The following VAMP4 variants were observed in gnomAD, a reference collection of about 807,000 sequenced individuals.
VAMP4 encodes vesicle associated membrane protein 4, also known as vesicle-associated membrane protein 4.
A neutral mutation model predicts 23.5 loss-of-function variants in VAMP4; 19 were observed. That is an observed-to-expected ratio of 0.81 (90% CI 0.56 to 1.19). VAMP4 has a LOEUF of 1.19. Among genes scored for constraint, VAMP4 ranks in the 50% most tolerant of loss-of-function variants. The pLI, the probability that VAMP4 is intolerant of heterozygous loss-of-function variation, is 0.00. For synonymous variants in VAMP4, 31 were observed against 51.0 expected, an observed-to-expected ratio of 0.61 and a Z score of 1.67; for missense variants, 145 against 168.6, an observed-to-expected ratio of 0.86 and a Z score of 0.78.
Position 171,738,480 on chromosome 1 carries a change from A to G in VAMP4, c.-49-17T>C. On this transcript the variant is annotated splice_polypyrimidine_tract_variant and intron_variant, in intron 1 of 7. Transcript: ENST00000236192. ...AGTCACCACCTTAAAGAGAAAATAA[A>G]TTTCATCAGATTTGAGACTTTGGGG... The G allele has an allele frequency of 6.6e-7, 1 of 1,511,412 alleles. No homozygotes were observed. Among genetic ancestry groups the G allele is most frequent in the Non-Finnish European group, 9.1e-7 (1 of 1,094,076 alleles). 93.6% of individuals were successfully genotyped at this position (1,511,412 alleles called of 1,614,324 possible).
intron 3 of VAMP4, among the ~76,000 whole-genome samples, chr1:171,723,265 C>T (rs139594181): frequency 3.2e-4 from 48 of 152,268 alleles, no homozygotes; most frequent in African/African-American, 8.7e-4. Context: ...GTTTCGGGCA[C>T]GCACTGTCAT....
At chr1:171,722,559 G>GA (rs987774624) in intron 3 of VAMP4, among the ~76,000 whole-genome samples, 45 of 152,248 alleles carry the variant, frequency 3.0e-4, no homozygotes, top group African/African-American at 9.4e-4. Context: ...AAATTTACAA[G>GA]AAAAAATCAA....
chr1:171,716,873 A>G (rs1655036300), intron 4 of VAMP4, among the ~76,000 whole-genome samples: 1 of 152,224 alleles, frequency 6.6e-6, no homozygotes, highest in African/African-American at 2.4e-5. Context: ...TGCATGCTTG[A>G]TGAACGACCT....
At chr1:171,740,133 A>G (rs538055041) in intron 1 of VAMP4, among the ~76,000 whole-genome samples, 3 of 152,344 alleles carry the variant, frequency 2.0e-5, no homozygotes, top group African/African-American at 7.2e-5. Context: ...TTTAGTAACG[A>G]TAACGTTAGT....
At chr1:171,741,585 C>A (rs1056946093) in intron 1 of VAMP4, among the ~76,000 whole-genome samples, 2 of 151,628 alleles carry the variant, frequency 1.3e-5, no homozygotes, top group African/African-American at 4.9e-5. Context: ...CCCCATTGTA[C>A]CCCCTGGAAT....
At position 171,702,399 on chromosome 1, in the gene VAMP4, CT is replaced by C. The variant is rs1654479848; in HGVS notation, c.*2106del. 1 of 151,804 alleles carries C rather than the reference CT, an allele frequency of 6.6e-6. No homozygotes were observed. The highest frequency in any genetic ancestry group is 2.4e-5 in the African/African-American group (1 of 41,376). 9.4% of individuals were successfully genotyped at this position (151,804 alleles called of 1,614,324 possible). A position where few individuals can be genotyped will look rare whatever the true frequency, so the allele number is the denominator to read the frequency against. On this transcript the variant is annotated 3_prime_UTR_variant, in exon 8 of 8. Coordinates refer to ENST00000236192, the MANE Select transcript of VAMP4 (RefSeq NM_003762.5). ...ACATATATATTGTCAAAAAATTTTA[CT>C]GTTACTTATTATTTAAATTTAAAAA...
At chr1:171,723,730 C>T (rs1416869211) in intron 3 of VAMP4, among the ~76,000 whole-genome samples, 1 of 152,168 alleles carries the variant, frequency 6.6e-6, no homozygotes, top group Non-Finnish European at 1.5e-5. Context: ...ACATCCTCAG[C>T]TTACGAAGAT....
chr1:171,727,306 T>C (rs1655407609), intron 3 of VAMP4, among the ~76,000 whole-genome samples: 1 of 142,102 alleles, frequency 7.0e-6, no homozygotes. Flanking sequence ...ATGGGCAAGA[T>C]TTGAACACAT....
rs1446357205 is a variant in VAMP4 at position 171,701,042 on chromosome 1, A to C, written c.*3464T>G. Reference sequence around the variant, plus strand: ...TAAAGAGGATCTAAACCCTACATCAATCTAAAGCATTTAGACAAATGCATT... The same window carrying C: ...TAAAGAGGATCTAAACCCTACATCACTCTAAAGCATTTAGACAAATGCATT... On this transcript the variant is annotated 3_prime_UTR_variant, in exon 8 of 8. Coordinates refer to ENST00000236192, the MANE Select transcript of VAMP4 (RefSeq NM_003762.5). 1 of 152,198 alleles carries C rather than the reference A, an allele frequency of 6.6e-6. No individual in the cohort carries two copies. The highest frequency in any genetic ancestry group is 1.5e-5 in the Non-Finnish European group (1 of 68,036). 9.4% of individuals were successfully genotyped at this position (152,198 alleles called of 1,614,324 possible).
chr1:171,720,688 C>T (rs1655163576), intron 3 of VAMP4, among the ~76,000 whole-genome samples: 1 of 152,028 alleles, frequency 6.6e-6, no homozygotes, highest in East Asian at 1.9e-4. Context: ...AAAGAAAATT[C>T]CAGGACTAGA....
At chr1:171,722,733 G>A (rs926531276) in intron 3 of VAMP4, among the ~76,000 whole-genome samples, 9 of 152,090 alleles carry the variant, frequency 5.9e-5, no homozygotes, top group Non-Finnish European at 1.0e-4. Context: ...TTAGAATGGC[G>A]ATCATTAAAA....
chr1:171,715,288 G>A (rs1654992495), intron 4 of VAMP4, among the ~76,000 whole-genome samples: 1 of 152,184 alleles, frequency 6.6e-6, no homozygotes, highest in Non-Finnish European at 1.5e-5. Flanking sequence ...ATTCATATAA[G>A]ATAATAAAAG....
chr1:171,705,660 T>C (rs1654625273), intron 7 of VAMP4, among the ~76,000 whole-genome samples: 1 of 152,160 alleles, frequency 6.6e-6, no homozygotes, highest in Admixed American at 6.5e-5. Flanking sequence ...GAGGACTGAC[T>C]GTATTTCTTT....
rs186220059 is a variant in VAMP4, at chr1:171,742,025, C to G, written c.-165G>C. ...GGAGGGGGAGACAGTTGGTGCGGAC[C>G]CGGCGTCGGCCGCAGCGCCGCAGCA... On this transcript the variant is annotated 5_prime_UTR_variant, in exon 1 of 8. Transcript: ENST00000236192. 15 of 152,210 alleles carry G rather than the reference C, an allele frequency of 9.9e-5. No individual in the cohort carries two copies. The East Asian group carries it at 2.9e-3, about 30-fold the overall frequency. The allele number at this position is 152,210 out of a possible 1,614,324, so 9.4% of individuals were successfully genotyped here.
chr1:171,724,507 T>C (rs1393322429), intron 3 of VAMP4, among the ~76,000 whole-genome samples: 1 of 151,914 alleles, frequency 6.6e-6, no homozygotes, highest in Non-Finnish European at 1.5e-5. Flanking sequence ...AAGGATCAAT[T>C]TGACAAAGAA....
chr1:171,739,186 C>A (rs1039908517), intron 1 of VAMP4, among the ~76,000 whole-genome samples: 8 of 152,146 alleles, frequency 5.3e-5, no homozygotes, highest in Admixed American at 4.6e-4. Flanking sequence ...AAGACTGGGA[C>A]TTTACAGCCC....
intron 2 of VAMP4, among the ~76,000 whole-genome samples, chr1:171,735,731 C>T (rs1467889257): frequency 6.6e-6 from 1 of 152,152 alleles, no homozygotes; most frequent in Non-Finnish European, 1.5e-5. Context: ...TCATCAGGAG[C>T]TTTCAGTCAG....
At position 171,704,094 on chromosome 1, in the gene VAMP4, CA is replaced by C. The variant is rs968741958; in HGVS notation, c.*411del. On this transcript the variant is annotated 3_prime_UTR_variant, in exon 8 of 8. Transcript: ENST00000236192. ...TGACAGAATGGTTATGCATCTCTTT[CA>C]GCATATAATTTGGTACTCTACACAG... 6.5e-6 allele frequency: 1 copy of C among 153,546 alleles called. No individual in the cohort carries two copies. The highest frequency in any genetic ancestry group is 2.4e-5 in the African/African-American group (1 of 41,468). 9.5% of individuals were successfully genotyped at this position (153,546 alleles called of 1,614,324 possible).
chr1:171,717,486 T>TA (rs752520918), intron 4 of VAMP4, among the ~76,000 whole-genome samples: 3 of 152,242 alleles, frequency 2.0e-5, no homozygotes, highest in African/African-American at 4.8e-5. Flanking sequence ...GGCAGTTTCT[T>TA]ATCACCTCCC....
Sources: allele counts gnomAD v4.1 joint callset (sites outside exome capture counted in the v4.1 genomes callset), GRCh38; gene constraint gnomAD v4.1.1; transcripts MANE v1.5; gene names NCBI Gene and HGNC (gene_info 2026-07-23, HGNC 2026-07-21).